The following RNF150 variants were observed in gnomAD, a reference collection of about 807,000 sequenced individuals.
RNF150 encodes ring finger protein 150.
In RNF150, 24 loss-of-function variants were observed where a neutral mutation model predicts 39.3. The observed-to-expected ratio is 0.61, with a 90% CI of 0.44 to 0.86. The LOEUF (loss-of-function observed/expected upper bound fraction) is 0.86. Among genes scored for constraint, RNF150 ranks in the 40% least tolerant of loss-of-function variants. The pLI, the probability that RNF150 is intolerant of heterozygous loss-of-function variation, is 0.00. For missense variants in RNF150, 502 were observed against 587.8 expected (o/e 0.85, Z 1.51); for synonymous variants, 255 against 227.3 (o/e 1.12, Z -1.10).
chr4:141,105,022 C>T (rs1739151078), intron 1 of RNF150, among the ~76,000 whole-genome samples: 1 of 152,136 alleles, frequency 6.6e-6, no homozygotes, highest in South Asian at 2.1e-4. Flanking sequence ...GCGTTGCCCT[C>T]ATTTTCATAA....
rs989122771 is a variant in RNF150 at position 140,947,726 on chromosome 4, G to C, written c.818C>G (p.Ser273Cys). Reference sequence around the variant, plus strand: ...ACAAACTGCACAGTTGTCAAAATCAGACTCTGTTTCCTGCAACAGAGGAAG... The same window carrying C: ...ACAAACTGCACAGTTGTCAAAATCACACTCTGTTTCCTGCAACAGAGGAAG... ...TIKKGDKETESDFDNCAVCIE... is the reference protein window; with the variant it reads ...TIKKGDKETECDFDNCAVCIE... The change falls in exon 4 of 7, where the codon TCT becomes TGT. Residue 273 changes from serine to cysteine, a missense_variant. By Grantham distance (112) the Ser-to-Cys change is moderately radical. Transcript: ENST00000515673. 6.3e-7 allele frequency: 1 copy of C among 1,593,872 alleles called. No individual in the cohort carries two copies. The highest frequency in any genetic ancestry group is 8.5e-7 in the Non-Finnish European group (1 of 1,171,836).
At chr4:141,126,703 T>G (rs752271898) in intron 1 of RNF150, among the ~76,000 whole-genome samples, 2 of 152,184 alleles carry the variant, frequency 1.3e-5, no homozygotes, top group Non-Finnish European at 2.9e-5. Context: ...TTACTGGGTT[T>G]TCTGATCAAG....
At chr4:140,974,620 C>A (rs1733595143) in intron 1 of RNF150, among the ~76,000 whole-genome samples, 1 of 152,114 alleles carries the variant, frequency 6.6e-6, no homozygotes, top group South Asian at 2.1e-4. Flanking sequence ...TTCCCACCAG[C>A]AATGTATGAA....
chr4:141,137,042 G>A (rs1727038967), upstream of RNF150, among the ~76,000 whole-genome samples: 1 of 152,180 alleles, frequency 6.6e-6, no homozygotes, highest in South Asian at 2.1e-4. Context: ...ATGAGTACAA[G>A]TACAATCTGA....
At chr4:140,941,685 C>T (rs1387054236) in intron 4 of RNF150, among the ~76,000 whole-genome samples, 1 of 152,098 alleles carries the variant, frequency 6.6e-6, no homozygotes, top group Non-Finnish European at 1.5e-5. Flanking sequence ...AGTGAAAAGG[C>T]TACTGCAGAA....
In RNF150 at chr4:141,132,749, G is replaced by A. The variant is rs767136047; in HGVS notation, c.60C>T (p.Ser20=). The A allele has an allele frequency of 1.3e-5, 21 of 1,610,664 alleles. No individual in the cohort carries two copies. The East Asian group carries it at 4.7e-4, about 36-fold the overall frequency. ...GGCAGAGCAGATGCACGAAACAAAA[G>A]GAAAGCAGCCATGTTGAGAGAGCCA... ...CSLALSTWLL[S]FCFVHLLCLD... The change falls in exon 1 of 7, where the codon TCC becomes TCT. Residue 20 remains serine (S), a synonymous_variant. Transcript: ENST00000515673. The surrounding 1 kb of genome is among the most constrained non-coding windows in gnomAD (Gnocchi z 4.9).
intron 5 of RNF150, among the ~76,000 whole-genome samples, chr4:140,922,225 G>A (rs1269478548): frequency 4.0e-5 from 6 of 151,106 alleles, no homozygotes; most frequent in Non-Finnish European, 5.9e-5. Context: ...AAACCCCATC[G>A]TCTCAGCCCA....
chr4:141,007,891 A>G (rs1310376738), intron 1 of RNF150, among the ~76,000 whole-genome samples: 2 of 152,146 alleles, frequency 1.3e-5, no homozygotes, highest in Non-Finnish European at 2.9e-5. Context: ...GGGTTCTCCA[A>G]ATTTTTGTGA....
chr4:141,135,344 G>A (rs1727012640), upstream of RNF150, among the ~76,000 whole-genome samples: 1 of 152,164 alleles, frequency 6.6e-6, no homozygotes, highest in Non-Finnish European at 1.5e-5. Context: ...CATCCTCCAC[G>A]AAAAGCAAGC....
rs1364858043 is a variant in RNF150 at position 140,866,365 on chromosome 4, G to A, written c.*1896C>T. ...CCTTCACATTATAGATGAAGAAGCC[G>A]AGGCTTAGTAAAGCGTGTGGTTCAT... is the stretch of plus-strand genomic sequence containing the variant. On this transcript the variant is annotated 3_prime_UTR_variant, in exon 7 of 7. Coordinates refer to ENST00000515673, the MANE Select transcript of RNF150 (RefSeq NM_020724.2). 3 of 152,248 alleles carry A rather than the reference G, an allele frequency of 2.0e-5. No individual in the cohort carries two copies. The highest frequency in any genetic ancestry group is 3.9e-4 in the East Asian group (2 of 5,184). The allele number at this position is 152,248 out of a possible 1,614,324, so 9.4% of individuals were successfully genotyped here.
chr4:141,143,508 A>C (rs1438230245), intron 1 of RNF150, among the ~76,000 whole-genome samples: 1 of 152,162 alleles, frequency 6.6e-6, no homozygotes, highest in African/African-American at 2.4e-5. Context: ...ACCTTAGTTC[A>C]GTCCACCAGG....
intron 1 of RNF150, among the ~76,000 whole-genome samples, chr4:141,042,748 C>T (rs1736417734): frequency 6.6e-6 from 1 of 151,998 alleles, no homozygotes; most frequent in African/African-American, 2.4e-5. Flanking sequence ...TTCTAGTATT[C>T]ACACATTCAT....
At chr4:140,922,817 A>G (rs1731214950) in intron 5 of RNF150, among the ~76,000 whole-genome samples, 1 of 151,454 alleles carries the variant, frequency 6.6e-6, no homozygotes, top group African/African-American at 2.4e-5. Flanking sequence ...ATAATGCCGC[A>G]TATCTACAAC....
intron 1 of RNF150, 53 bp from the exon 2 acceptor site, chr4:140,967,926 G>A: frequency 6.5e-7 from 1 of 1,527,630 alleles, no homozygotes; most frequent in Non-Finnish European, 9.0e-7. Flanking sequence ...TAAGATATGG[G>A]GGATCCCAGT....
intron 1 of RNF150, among the ~76,000 whole-genome samples, chr4:141,204,047 T>A (rs1049850306): frequency 1.3e-5 from 2 of 152,132 alleles, no homozygotes; most frequent in African/African-American, 4.8e-5. Context: ...TCATTGTGGA[T>A]AAAGACTGGG....
chr4:140,926,839 C>T (rs953845660), intron 4 of RNF150, among the ~76,000 whole-genome samples: 1 of 152,130 alleles, frequency 6.6e-6, no homozygotes, highest in Non-Finnish European at 1.5e-5. Context: ...TCTTCTAACT[C>T]CCAAGACTCC....
chr4:140,952,723 C>A (rs1282166197), intron 2 of RNF150, among the ~76,000 whole-genome samples: 4 of 151,972 alleles, frequency 2.6e-5, no homozygotes. Context: ...TATGACTGGG[C>A]CCTAGAGAGG....
At chr4:141,154,426 C>T (rs149372944) in intron 1 of RNF150, among the ~76,000 whole-genome samples, 1 of 152,250 alleles carries the variant, frequency 6.6e-6, no homozygotes, top group African/African-American at 2.4e-5. Flanking sequence ...GTTAGAGGGG[C>T]TGTTAGGCAA....
At chr4:140,869,443 C>T (rs72720402) in intron 6 of RNF150, among the ~76,000 whole-genome samples, 4,022 of 152,250 alleles carry the variant, frequency 0.026, 62 homozygotes, top group South Asian at 0.05. Context: ...AATGAACATA[C>T]ATCACTTACT....
Sources: gnomAD v4.1 joint callset for allele counts (sites outside exome capture counted in the v4.1 genomes callset) on GRCh38, gnomAD v4.1.1 for gene constraint, Gnocchi (gnomAD v3.1) non-coding constraint, MANE v1.5 for transcripts, NCBI Gene and HGNC (gene_info 2026-07-23, HGNC 2026-07-21) for gene names.